Variants in NDUFA5 observed in about 807,000 individuals in gnomAD.
The protein encoded by NDUFA5 is NADH dehydrogenase [ubiquinone] 1 alpha subcomplex subunit 5.
A neutral mutation model predicts 19.8 loss-of-function variants in NDUFA5; 11 were observed. That is an observed-to-expected ratio of 0.56 (90% CI 0.35 to 0.92). The LOEUF (loss-of-function observed/expected upper bound fraction) is 0.92, where lower values mean the gene tolerates loss of function less well. NDUFA5 is among the 40% of genes least tolerant of loss of function. The pLI, the probability that NDUFA5 is intolerant of heterozygous loss-of-function variation, is 0.01. For missense variants in NDUFA5, 109 were observed against 134.2 expected, an observed-to-expected ratio of 0.81 and a Z score of 0.93; for synonymous variants, 47 against 46.8, an observed-to-expected ratio of 1.00 and a Z score of -0.01.
At chr7:123,553,780 C>G (rs1798440795) in intron 2 of NDUFA5, among the ~76,000 whole-genome samples, 1 of 152,100 alleles carries the variant, frequency 6.6e-6, no homozygotes, top group African/African-American at 2.4e-5. Context: ...ATAATACTGC[C>G]TCATAGGGTA....
the NDUFA5 span, chr7:123,584,722 G>T: frequency 6.6e-6 from 1 of 151,954 alleles, no homozygotes; most frequent in African/African-American, 2.4e-5. Context: ...ATAACCAGGG[G>T]AAACAATTCT....
chr7:123,572,131 C>CTTTTT, the NDUFA5 span, among the ~76,000 whole-genome samples: 7 of 47,978 alleles, frequency 1.5e-4, 1 homozygote, highest in African/African-American at 2.6e-4. Context: ...TGTAGAATTT[C>CTTTTT]TTTTTTTTTT....
chr7:123,540,674 A>G lies in NDUFA5; in HGVS notation c.*1445T>C, dbSNP rs1262826685. On this transcript the variant is annotated 3_prime_UTR_variant, in exon 5 of 5. Transcript: ENST00000355749. ...CCTCAATGTAGTCATTGAGTTAACA[A>G]CACTAGAACCATGAGAATGAGAAAC... 6.6e-6 allele frequency: 1 copy of G among 152,054 alleles called. No homozygotes were observed. The highest frequency in any genetic ancestry group is 2.4e-5 in the African/African-American group (1 of 41,392). 9.4% of individuals were successfully genotyped at this position (152,054 alleles called of 1,614,324 possible).
chr7:123,598,346 C>A, the NDUFA5 span, among the ~76,000 whole-genome samples: 3 of 152,024 alleles, frequency 2.0e-5, no homozygotes, highest in Non-Finnish European at 4.4e-5. Context: ...GAAGTATAAA[C>A]CTTTAGATAT....
At chr7:123,572,514 C>A in the NDUFA5 span, among the ~76,000 whole-genome samples, 1 of 151,012 alleles carries the variant, frequency 6.6e-6, no homozygotes, top group East Asian at 2.0e-4. Context: ...ATTTTATGTT[C>A]TTTTCAGGTT....
the NDUFA5 span, among the ~76,000 whole-genome samples, chr7:123,587,908 C>T: frequency 6.6e-6 from 1 of 151,664 alleles, no homozygotes; most frequent in Non-Finnish European, 1.5e-5. Context: ...GGTACATAAT[C>T]CTTTTAATGC....
chr7:123,542,184 C>T lies in NDUFA5; in HGVS notation c.286G>A (p.Glu96Lys). 5.0e-6 allele frequency: 8 copies of T among 1,612,218 alleles called. No individual in the cohort carries two copies. The highest frequency in any genetic ancestry group is 6.8e-6 in the Non-Finnish European group (8 of 1,179,134). The change falls in exon 5 of 5, where the codon GAA becomes AAA. Residue 96 changes from glutamate to lysine, a missense_variant. Transcript: ENST00000355749. ...HELNLARKMR[E>K]WKLWEPLVEE... ...ACTAATGGCTCCCATAGTTTCCATT[C>T]CCTCATTTTTCTTGCCAGATTTAGT...
the NDUFA5 span, among the ~76,000 whole-genome samples, chr7:123,569,353 A>G: frequency 6.6e-6 from 1 of 152,228 alleles, no homozygotes; most frequent in Non-Finnish European, 1.5e-5. Context: ...GATCTCAGAT[A>G]CATGTAAATA....
At chr7:123,595,581 C>CCTACT in the NDUFA5 span, among the ~76,000 whole-genome samples, 1 of 152,170 alleles carries the variant, frequency 6.6e-6, no homozygotes, top group Non-Finnish European at 1.5e-5. Flanking sequence ...ATTCACCTCA[C>CCTACT]CTACTTAAAT....
the NDUFA5 span, among the ~76,000 whole-genome samples, chr7:123,573,426 G>A: frequency 6.6e-6 from 1 of 151,520 alleles, no homozygotes; most frequent in Non-Finnish European, 1.5e-5. Flanking sequence ...CTATAACTAA[G>A]TCTTATTTGT....
chr7:123,596,139 A>T, the NDUFA5 span, among the ~76,000 whole-genome samples: 2 of 151,418 alleles, frequency 1.3e-5, no homozygotes, highest in African/African-American at 2.4e-5. Flanking sequence ...CTAGTTTCCC[A>T]AAGGAATTAC....
chr7:123,572,583 T>C, the NDUFA5 span, among the ~76,000 whole-genome samples: 2 of 152,122 alleles, frequency 1.3e-5, no homozygotes, highest in African/African-American at 4.8e-5. Flanking sequence ...TTCCTTATAT[T>C]GTTATAATTT....
chr7:123,574,199 T>TC, the NDUFA5 span, among the ~76,000 whole-genome samples: 387 of 151,254 alleles, frequency 2.6e-3, 4 homozygotes, highest in African/African-American at 8.7e-3. Context: ...TTCCATCTCC[T>TC]TTTTTTTTCT....
chr7:123,587,764 T>C, the NDUFA5 span, among the ~76,000 whole-genome samples: 5 of 151,828 alleles, frequency 3.3e-5, no homozygotes, highest in African/African-American at 1.2e-4. Flanking sequence ...TTGATATTTG[T>C]CAAATACTTT....
Position 123,542,159 on chromosome 7 carries a change from A to G in NDUFA5, c.311T>C (p.Val104Ala), listed in dbSNP as rs1338217334. Residue 104 changes from valine to alanine, a missense_variant, in exon 5 of 5, where the codon GTG becomes GCG. Transcript: ENST00000355749. ...MREWKLWEPL[V>A]EEPPADQWKW... ...CCACTGATCGGCAGGAGGCTCTTCC[A>G]CTAATGGCTCCCATAGTTTCCATTC... 2.5e-6 allele frequency: 4 copies of G among 1,611,910 alleles called. No homozygotes were observed. Among genetic ancestry groups the G allele is most frequent in the Non-Finnish European group, 3.4e-6 (4 of 1,179,174 alleles).
intron 3 of NDUFA5, among the ~76,000 whole-genome samples, chr7:123,549,798 T>C (rs1350853340): frequency 2.6e-5 from 4 of 152,134 alleles, no homozygotes; most frequent in African/African-American, 9.7e-5. Context: ...CAAAATACGA[T>C]ATAATACAAA....
the NDUFA5 span, among the ~76,000 whole-genome samples, chr7:123,592,571 C>T: frequency 6.6e-6 from 1 of 152,196 alleles, no homozygotes; most frequent in Non-Finnish European, 1.5e-5. Context: ...GCAGGTTGTT[C>T]AGTTTCCATG....
chr7:123,556,064 AT>A (rs999096353), intron 2 of NDUFA5: 1 of 152,242 alleles, frequency 6.6e-6, no homozygotes, highest in African/African-American at 2.4e-5. Context: ...ATCAAGATAT[AT>A]TTTGAAGGTG....
At chr7:123,580,953 CAA>C in the NDUFA5 span, among the ~76,000 whole-genome samples, 1 of 151,912 alleles carries the variant, frequency 6.6e-6, no homozygotes, top group Admixed American at 6.6e-5. Flanking sequence ...TAAGTCTCAG[CAA>C]AGAGTTCAAA....
Sources: gnomAD v4.1 joint callset for allele counts (sites outside exome capture counted in the v4.1 genomes callset) on GRCh38, gnomAD v4.1.1 for gene constraint, MANE v1.5 for transcripts, NCBI Gene and HGNC (gene_info 2026-07-23, HGNC 2026-07-21) for gene names.